The following TIGIT variants were observed in gnomAD, a reference collection of about 807,000 sequenced individuals.
TIGIT encodes the protein T cell immunoreceptor with Ig and ITIM domains.
A neutral mutation model predicts 19.6 loss-of-function variants in TIGIT; 11 were observed. The observed-to-expected ratio is 0.56, with a 90% CI of 0.35 to 0.93. TIGIT has a LOEUF of 0.93. Among genes scored for constraint, TIGIT ranks in the 40% least tolerant of loss-of-function variants. The probability of loss-of-function intolerance (pLI) is 0.01; values close to 1 mark genes in which losing one functional copy is unlikely to be tolerated. For synonymous variants in TIGIT, 130 were observed against 125.5 expected, an observed-to-expected ratio of 1.04 and a Z score of -0.24; for missense variants, 295 against 303.9, an observed-to-expected ratio of 0.97 and a Z score of 0.22.
At chr3:114,295,132 G>T in intron 1 of TIGIT, 1 of 208,768 alleles carries the variant, frequency 4.8e-6, no homozygotes, top group Admixed American at 5.2e-5. Context: ...AAGGGAGGTT[G>T]AGATGGGCTG....
chr3:114,299,467 G>T, intron 2 of TIGIT, 130 bp from the exon 3 acceptor site: 1 of 650,806 alleles, frequency 1.5e-6, no homozygotes, highest in Non-Finnish European at 2.8e-6. Flanking sequence ...GGGCTTAAAG[G>T]CTCCAGTCCC....
At chr3:114,304,754 T>G (rs1033254482) in intron 3 of TIGIT, among the ~76,000 whole-genome samples, 1 of 152,218 alleles carries the variant, frequency 6.6e-6, no homozygotes, top group South Asian at 2.1e-4. Context: ...CAGCAGGGAT[T>G]CTTTTCCATC....
At position 114,308,794 on chromosome 3, in the gene TIGIT, A is replaced by C. The variant is rs1451988905; in HGVS notation, c.*663A>C. On this transcript the variant is annotated 3_prime_UTR_variant, in exon 4 of 4. Coordinates refer to ENST00000383671, the MANE Select transcript of TIGIT (RefSeq NM_173799.4). ...ATCTGTGATGAAGTGGCCTGGGAGC[A>C]CCAAGGGGATGTTGAGGCTAGTCTG... The C allele has an allele frequency of 2.0e-5, 3 of 152,360 alleles. No individual in the cohort carries two copies. Among genetic ancestry groups the C allele is most frequent in the African/African-American group, 4.8e-5 (2 of 41,450 alleles). 9.4% of individuals were successfully genotyped at this position (152,360 alleles called of 1,614,324 possible).
At chr3:114,307,391 AG>A (rs986829226) in intron 3 of TIGIT, among the ~76,000 whole-genome samples, 1 of 152,154 alleles carries the variant, frequency 6.6e-6, no homozygotes, top group Non-Finnish European at 1.5e-5. Flanking sequence ...TCACTCAGAG[AG>A]CATGTTTAGC....
At chr3:114,306,056 G>A (rs2078533044) in intron 3 of TIGIT, among the ~76,000 whole-genome samples, 1 of 152,074 alleles carries the variant, frequency 6.6e-6, no homozygotes, top group Admixed American at 6.5e-5. Context: ...GGCTGTTGGT[G>A]TAATTCTCAG....
chr3:114,295,891 A>C lies in TIGIT; in HGVS notation c.391+17A>C. 1 of 1,575,298 alleles carries C rather than the reference A, an allele frequency of 6.3e-7. No homozygotes were observed. Among genetic ancestry groups the C allele is most frequent in the South Asian group, 1.2e-5 (1 of 86,238 alleles). ...AAAGCTCAGGTATTCCTGCTGGAGC[A>C]AGTTGGTGGATAAACCTCTCCCTCT... On this transcript the variant is annotated intron_variant, in intron 2 of 3. Transcript: ENST00000383671.
Position 114,295,818 on chromosome 3 carries a change from C to T in TIGIT, c.335C>T (p.Thr112Ile). Residue 112 changes from threonine to isoleucine, a missense_variant, in exon 2 of 4, where the codon ACC becomes ATC. Physicochemically the swap from Thr to Ile is moderately conservative, Grantham distance 89. Coordinates refer to ENST00000383671, the MANE Select transcript of TIGIT (RefSeq NM_173799.4). ...DTGEYFCIYH[T>I]YPDGTYTGRI... is the part of the protein sequence containing the mutation. ...GGGGAGTACTTCTGCATCTATCACA[C>T]CTACCCTGATGGGACGTACACTGGG... is the stretch of plus-strand genomic sequence containing the variant. 1 of 1,613,942 alleles carries T rather than the reference C, an allele frequency of 6.2e-7. No homozygotes were observed.
intron 3 of TIGIT, among the ~76,000 whole-genome samples, chr3:114,306,125 C>T (rs533183834): frequency 3.3e-5 from 5 of 152,132 alleles, no homozygotes; most frequent in Admixed American, 6.5e-5. Context: ...TCCTGGAGTC[C>T]GAAAGCCAGG....
In TIGIT at chr3:114,303,549, A is replaced by ATGTATATATATACATATATATG. The variant is rs1560033532; in HGVS notation, c.498+3858_498+3859insCATATATATGTGTATATATATA. Among the ~76,000 whole-genome samples the ATGTATATATATACATATATATG allele has an allele frequency of 5.5e-4, 4 of 7,310 alleles. 1 individual carries two copies. Among genetic ancestry groups the ATGTATATATATACATATATATG allele is most frequent in the Admixed American group, 5.1e-3 (2 of 390 alleles). 4.8% of individuals were successfully genotyped at this position (7,310 alleles called of 152,430 possible). On this transcript the variant is annotated intron_variant, in intron 3 of 3. Transcript: ENST00000383671. ...TATATGTATATATATACACATATATATGTATATATATATACATATATATGT... is the reference window on the plus strand; with the variant it reads ...TATATGTATATATATACACATATATATGTATATATATACATATATATGTGTATATATATATACATATATATGT...
chr3:114,305,331 G>A (rs2078525821), intron 3 of TIGIT, among the ~76,000 whole-genome samples: 1 of 152,170 alleles, frequency 6.6e-6, no homozygotes, highest in East Asian at 1.9e-4. Context: ...GTTCTTACAG[G>A]CTGCCTTCTA....
chr3:114,298,686 T>C (rs1037191940), intron 2 of TIGIT, among the ~76,000 whole-genome samples: 8 of 152,222 alleles, frequency 5.3e-5, no homozygotes, highest in Admixed American at 5.2e-4. Context: ...TCTGGGGAAT[T>C]TGAATTGTGC....
At chr3:114,294,769 T>G (rs929278888) in intron 1 of TIGIT, among the ~76,000 whole-genome samples, 2 of 152,202 alleles carry the variant, frequency 1.3e-5, no homozygotes, top group African/African-American at 4.8e-5. Flanking sequence ...GGTTTCCTGC[T>G]AAGCTTCCTT....
intron 3 of TIGIT, among the ~76,000 whole-genome samples, chr3:114,301,336 A>C (rs1481860606): frequency 6.6e-6 from 1 of 152,230 alleles, no homozygotes; most frequent in Non-Finnish European, 1.5e-5. Flanking sequence ...TGGCTGAGAC[A>C]TGGCTGGTGC....
rs752473184 is a variant in TIGIT, at chr3:114,295,596, G to A, written c.113G>A (p.Gly38Asp). ...ETTGNISAEK[G>D]GSIILQCHLS... ...ACGGGGAACATTTCTGCAGAGAAAG[G>A]TGGCTCTATCATCTTACAATGTCAC... The change falls in exon 2 of 4, where the codon GGT becomes GAT. Residue 38 changes from glycine (G) to aspartate (D), a missense_variant. Transcript: ENST00000383671. 6.2e-7 allele frequency: 1 copy of A among 1,614,192 alleles called. No individual in the cohort carries two copies. Among genetic ancestry groups the A allele is most frequent in the African/African-American group, 1.3e-5 (1 of 75,050 alleles).
intron 2 of TIGIT, 103 bp downstream of exon 2, chr3:114,295,977 T>C: frequency 1.1e-6 from 1 of 925,942 alleles, no homozygotes; most frequent in Non-Finnish European, 1.6e-6. Flanking sequence ...GGGATCACAT[T>C]TGAATCACCT....
chr3:114,295,956 C>A, intron 2 of TIGIT, 82 bp downstream of exon 2: 1 of 1,145,826 alleles, frequency 8.7e-7, no homozygotes, highest in Non-Finnish European at 1.2e-6. Context: ...CACAGCAGGG[C>A]TTCTCAATTC....
intron 2 of TIGIT, among the ~76,000 whole-genome samples, chr3:114,296,799 G>C (rs141526147): frequency 1.6e-4 from 25 of 151,632 alleles, no homozygotes; most frequent in Admixed American, 4.6e-4. Context: ...ACTGCTGTCA[G>C]TTATGTTGAA....
At position 114,308,392 on chromosome 3, in the gene TIGIT, CT is replaced by C; in HGVS notation, c.*262del. 1 of 363,520 alleles carries C rather than the reference CT, an allele frequency of 2.8e-6. No individual in the cohort carries two copies. The highest frequency in any genetic ancestry group is 5.1e-6 in the Non-Finnish European group (1 of 197,978). 22.5% of individuals were successfully genotyped at this position (363,520 alleles called of 1,614,324 possible). A position where few individuals can be genotyped will look rare whatever the true frequency, so the allele number is the denominator to read the frequency against. On this transcript the variant is annotated 3_prime_UTR_variant, in exon 4 of 4. Transcript: ENST00000383671. ...ATGCAAAATTAAAAAATATCTTGAC[CT>C]GGTTTTAAATCTGGCAGTTTGAGCA...
At chr3:114,299,757 G>C in intron 3 of TIGIT, 54 bp downstream of exon 3, 1 of 1,247,704 alleles carries the variant, frequency 8.0e-7, no homozygotes, top group South Asian at 1.2e-5. Flanking sequence ...TCTGGCACCC[G>C]GGTCCTTTCA....
Sources: allele counts gnomAD v4.1 joint callset (sites outside exome capture counted in the v4.1 genomes callset), GRCh38; gene constraint gnomAD v4.1.1; transcripts MANE v1.5; gene names NCBI Gene and HGNC (gene_info 2026-07-23, HGNC 2026-07-21).